OTOA: variants seen among roughly 807,000 people sequenced by gnomAD.
The protein encoded by OTOA is otoancorin, also known as cancer/testis antigen 108.
OTOA carries 70 observed loss-of-function variants against 110.8 expected under a neutral mutation model. The ratio of observed to expected loss-of-function variants is 0.63; its 90% CI spans 0.52 to 0.77. The LOEUF (loss-of-function observed/expected upper bound fraction) is 0.77, where lower values mean the gene tolerates loss of function less well. OTOA is among the 30% of genes least tolerant of loss of function. The pLI, the probability that OTOA is intolerant of heterozygous loss-of-function variation, is 0.00. For synonymous variants in OTOA, 373 were observed against 431.5 expected, an observed-to-expected ratio of 0.86 and a Z score of 1.68; for missense variants, 917 against 1,075.8, an observed-to-expected ratio of 0.85 and a Z score of 2.06.
rs374535775 is a variant in OTOA, at chr16:21,728,440, C to T, written c.2207+9C>T. The T allele has an allele frequency of 7.0e-5, 113 of 1,612,614 alleles. No homozygotes were observed. In the African/African-American group the frequency reaches 8.4e-4, roughly 12 times the overall value. On this transcript the variant is annotated intron_variant, in intron 20 of 28. Coordinates refer to ENST00000646100, the MANE Select transcript of OTOA (RefSeq NM_144672.4). Reference sequence around the variant, plus strand: ...CTCCTGGGACAGTATGGGTGAGGAGCGGCTGGGTTTGGCTTTTGGTGGTGT... The same window carrying T: ...CTCCTGGGACAGTATGGGTGAGGAGTGGCTGGGTTTGGCTTTTGGTGGTGT...
chr16:21,725,422 C>G (rs1898882825), intron 18 of OTOA, among the ~76,000 whole-genome samples: 1 of 151,864 alleles, frequency 6.6e-6, no homozygotes, highest in African/African-American at 2.4e-5. Flanking sequence ...GTAGTTGAAA[C>G]CCCAGGTGTG....
At chr16:21,665,027 T>A (rs984776577) in intron 1 of OTOA, among the ~76,000 whole-genome samples, 3 of 150,360 alleles carry the variant, frequency 2.0e-5, no homozygotes, top group Non-Finnish European at 4.4e-5. Context: ...CAAATAAAGT[T>A]GATAGTTTTT....
chr16:21,689,053 A>G (rs577314198), intron 8 of OTOA, among the ~76,000 whole-genome samples: 2 of 152,260 alleles, frequency 1.3e-5, no homozygotes, highest in East Asian at 3.9e-4. Flanking sequence ...CTAGCCCTGC[A>G]TGAAATTGCG....
chr16:21,728,581 T>C, intron 20 of OTOA, 150 bp downstream of exon 20: 1 of 1,072,570 alleles, frequency 9.3e-7, no homozygotes, highest in East Asian at 2.6e-5. Flanking sequence ...CTTTCTTCTT[T>C]TGGCTTCAGA....
intron 11 of OTOA, among the ~76,000 whole-genome samples, chr16:21,702,734 A>C (rs1898077104): frequency 6.6e-6 from 1 of 152,130 alleles, no homozygotes; most frequent in Non-Finnish European, 1.5e-5. Context: ...GGAGTGCAGT[A>C]GCACAATCTC....
chr16:21,719,832 T>C (rs1026383890), intron 17 of OTOA, among the ~76,000 whole-genome samples: 1 of 152,214 alleles, frequency 6.6e-6, no homozygotes, highest in Non-Finnish European at 1.5e-5. Flanking sequence ...TCCAACACTT[T>C]CCAGGAGTAG....
intron 19 of OTOA, 52 bp downstream of exon 19, chr16:21,726,710 T>C (rs961954103): frequency 7.5e-6 from 12 of 1,610,294 alleles, no homozygotes; most frequent in Admixed American, 1.7e-5. Flanking sequence ...TGTGGCCATC[T>C]TGGGGAGCCC....
intron 11 of OTOA, among the ~76,000 whole-genome samples, chr16:21,703,000 T>A (rs952395279): frequency 1.3e-5 from 2 of 152,192 alleles, no homozygotes; most frequent in African/African-American, 4.8e-5. Flanking sequence ...TTTATTTTTT[T>A]AAATTGATAA....
rs1011346924 is a variant in OTOA at position 21,714,973 on chromosome 16, C to T, written c.1321-12C>T. The T allele has an allele frequency of 8.1e-6, 13 of 1,613,978 alleles. No homozygotes were observed. Among genetic ancestry groups the T allele is most frequent in the Non-Finnish European group, 1.0e-5 (12 of 1,180,004 alleles). On this transcript the variant is annotated splice_polypyrimidine_tract_variant and intron_variant, in intron 13 of 28. Coordinates refer to ENST00000646100, the MANE Select transcript of OTOA (RefSeq NM_144672.4). ...GGAGCAGAGCCTGACTGCGCAGCCG[C>T]TCCTCTTCCAGGTGCTGTCTTTCTA...
intron 12 of OTOA, among the ~76,000 whole-genome samples, chr16:21,708,455 G>A (rs1393834046): frequency 6.6e-6 from 1 of 152,124 alleles, no homozygotes; most frequent in East Asian, 1.9e-4. Context: ...CGGAGTCTGG[G>A]GATCCCTGGA....
intron 9 of OTOA, among the ~76,000 whole-genome samples, chr16:21,694,406 G>A (rs1392265894): frequency 1.3e-5 from 2 of 152,064 alleles, no homozygotes; most frequent in African/African-American, 4.8e-5. Flanking sequence ...TGGAGCCACT[G>A]GACTCCAGCC....
intron 17 of OTOA, among the ~76,000 whole-genome samples, chr16:21,722,226 T>C (rs1341216259): frequency 3.0e-4 from 43 of 142,846 alleles, no homozygotes; most frequent in Admixed American, 2.2e-4. Context: ...TACACCACTG[T>C]ACTACAGCCT....
chr16:21,665,850 C>G (rs1350937509), intron 1 of OTOA, among the ~76,000 whole-genome samples: 1 of 151,436 alleles, frequency 6.6e-6, no homozygotes, highest in Non-Finnish European at 1.5e-5. Context: ...TTTTTTCCAG[C>G]CAGGGTTTTG....
intron 15 of OTOA, among the ~76,000 whole-genome samples, chr16:21,718,547 CAG>C (rs1898627305): frequency 6.6e-6 from 1 of 152,156 alleles, no homozygotes; most frequent in African/African-American, 2.4e-5. Context: ...CTCAAAGTTT[CAG>C]AGTCTATAAA....
intron 1 of OTOA, among the ~76,000 whole-genome samples, chr16:21,671,623 A>AAAAG (rs2141646832): frequency 6.7e-6 from 1 of 149,226 alleles, no homozygotes; most frequent in Admixed American, 6.6e-5. Context: ...AAGAAAAAAA[A>AAAAG]AAAGAAAGAA....
chr16:21,681,157 T>A (rs1966886679), intron 5 of OTOA, among the ~76,000 whole-genome samples: 1 of 152,212 alleles, frequency 6.6e-6, no homozygotes, highest in South Asian at 2.1e-4. Context: ...CAGTTTGGAT[T>A]GTAGTCAATC....
rs183818169 is a variant in OTOA at position 21,667,975 on chromosome 16, C to A, written c.-5+3743C>A. Among the ~76,000 whole-genome samples the A allele has an allele frequency of 2.8e-3, 394 of 140,842 alleles. 2 individuals carry two copies. The highest frequency in any genetic ancestry group is 9.1e-3 in the African/African-American group (330 of 36,244). The allele number at this position is 140,842 out of a possible 152,430, so 92.4% of individuals were successfully genotyped here. A position where few individuals can be genotyped will look rare whatever the true frequency, so the allele number is the denominator to read the frequency against. On this transcript the variant is annotated intron_variant, in intron 1 of 28. Transcript: ENST00000646100. ...TGGTCCGTGGGTGGTACTTTACTAA[C>A]CCCTCCTTGAAACAATAAGGACTCC...
chr16:21,714,787 G>A lies in OTOA; in HGVS notation c.1321-198G>A, dbSNP rs534156716. Among the ~76,000 whole-genome samples the A allele has an allele frequency of 1.5e-4, 23 of 152,258 alleles. 1 individual carries two copies. The South Asian group carries it at 4.1e-3, about 27-fold the overall frequency. ...GGCCTCTCAAAGTGCTGGGATTACA[G>A]GCGTGAGCCACCATGCCTGGCCAAC... is the stretch of plus-strand genomic sequence containing the variant. On this transcript the variant is annotated intron_variant, in intron 13 of 28. Transcript: ENST00000646100.
At chr16:21,708,821 A>G (rs1898273808) in intron 12 of OTOA, among the ~76,000 whole-genome samples, 1 of 152,154 alleles carries the variant, frequency 6.6e-6, no homozygotes, top group African/African-American at 2.4e-5. Context: ...TTTGTTACAG[A>G]GCTCATTGTA....
Sources: allele counts gnomAD v4.1 joint callset (sites outside exome capture counted in the v4.1 genomes callset), GRCh38; gene constraint gnomAD v4.1.1; transcripts MANE v1.5; gene names NCBI Gene and HGNC (gene_info 2026-07-23, HGNC 2026-07-21).